The following CSMD3 variants were observed in gnomAD, a reference collection of about 807,000 sequenced individuals.
CSMD3 encodes the protein CUB and sushi domain-containing protein 3.
Under a neutral mutation model 435.2 loss-of-function variants are expected in CSMD3, and 177 were observed. The ratio of observed to expected loss-of-function variants is 0.41; its 90% CI spans 0.36 to 0.46. The LOEUF is 0.46. CSMD3 is among the 20% of genes least tolerant of loss of function. The probability of loss-of-function intolerance (pLI) is 0.34; values close to 1 mark genes in which losing one functional copy is unlikely to be tolerated. For missense variants in CSMD3, 4,265 were observed against 4,504.6 expected, an observed-to-expected ratio of 0.95 and a Z score of 1.52; for synonymous variants, 1,656 against 1,520.5, an observed-to-expected ratio of 1.09 and a Z score of -2.07.
intron 32 of CSMD3, among the ~76,000 whole-genome samples, chr8:112,409,845 T>G (rs1263555071): frequency 1.3e-5 from 2 of 150,584 alleles, no homozygotes; most frequent in African/African-American, 2.4e-5. Flanking sequence ...TTGCTTTGTG[T>G]TTTTTTTTCT....
At chr8:113,346,400 C>A (rs1171929540) in intron 1 of CSMD3, among the ~76,000 whole-genome samples, 1 of 151,958 alleles carries the variant, frequency 6.6e-6, no homozygotes, top group East Asian at 1.9e-4. Context: ...AATGGCAGTT[C>A]AAAAAGCAAT....
chr8:112,300,388 A>C (rs1820804449), intron 53 of CSMD3, among the ~76,000 whole-genome samples: 1 of 151,392 alleles, frequency 6.6e-6, no homozygotes, highest in South Asian at 2.1e-4. Flanking sequence ...AACCAAAATC[A>C]GTTTACAAAC....
intron 5 of CSMD3, among the ~76,000 whole-genome samples, chr8:113,073,161 A>T (rs2089198149): frequency 6.6e-6 from 1 of 151,960 alleles, no homozygotes; most frequent in Admixed American, 6.6e-5. Context: ...ACTCTTTGAG[A>T]TACTATTTGA....
rs140423318 is a variant in CSMD3, at chr8:112,506,841, AC to A, written c.4757-13del. The A allele has an allele frequency of 3.3e-3, 5,298 of 1,606,352 alleles. 146 individuals are homozygous for A. The African/African-American group carries it at 0.062, about 19-fold the overall frequency. On this transcript the variant is annotated splice_polypyrimidine_tract_variant and intron_variant, in intron 28 of 70. Transcript: ENST00000297405. ...GCCTCCACAGGGTGCTTTAATTTAA[AC>A]AAACAAATAAAATCTCTTTAAACAT...
intron 3 of CSMD3, among the ~76,000 whole-genome samples, chr8:113,182,877 G>T (rs2092443346): frequency 6.7e-6 from 1 of 149,970 alleles, no homozygotes; most frequent in Non-Finnish European, 1.5e-5. Flanking sequence ...TGTTGCTGTT[G>T]TTGTTGTTGT....
chr8:112,428,177 C>A (rs1011571361), intron 32 of CSMD3, among the ~76,000 whole-genome samples: 3 of 152,060 alleles, frequency 2.0e-5, no homozygotes, highest in Non-Finnish European at 4.4e-5. Flanking sequence ...TTATTAAATT[C>A]TATTAGTGTT....
At chr8:112,519,794 A>G (rs1265528343) in intron 27 of CSMD3, among the ~76,000 whole-genome samples, 1 of 152,176 alleles carries the variant, frequency 6.6e-6, no homozygotes, top group African/African-American at 2.4e-5. Flanking sequence ...ACAATTACTT[A>G]GGGACAGTTA....
intron 3 of CSMD3, among the ~76,000 whole-genome samples, chr8:113,192,574 A>C (rs1410788550): frequency 6.6e-6 from 1 of 151,246 alleles, no homozygotes; most frequent in East Asian, 2.0e-4. Context: ...TTTTTCTCTT[A>C]TTTCTATTTC....
intron 11 of CSMD3, among the ~76,000 whole-genome samples, chr8:112,836,067 T>C (rs1423310307): frequency 6.6e-6 from 1 of 151,878 alleles, no homozygotes; most frequent in Non-Finnish European, 1.5e-5. Context: ...TTAGCCACAG[T>C]TCTTTAGACA....
intron 5 of CSMD3, among the ~76,000 whole-genome samples, chr8:113,062,599 T>C (rs999056654): frequency 5.3e-5 from 8 of 151,874 alleles, no homozygotes; most frequent in Non-Finnish European, 1.0e-4. Context: ...CTATTACTAC[T>C]GCTTATTTCC....
intron 27 of CSMD3, among the ~76,000 whole-genome samples, chr8:112,527,815 G>T (rs1286868246): frequency 6.6e-6 from 1 of 151,886 alleles, no homozygotes; most frequent in Non-Finnish European, 1.5e-5. Flanking sequence ...AACTTGCATT[G>T]GAATTTAAGT....
intron 3 of CSMD3, among the ~76,000 whole-genome samples, chr8:113,238,533 G>A (rs189958547): frequency 3.3e-4 from 50 of 152,202 alleles, no homozygotes; most frequent in African/African-American, 1.1e-3. Flanking sequence ...AAGCCTCTGT[G>A]GATCAAGTCT....
At chr8:112,763,695 A>T (rs1217559334) in intron 13 of CSMD3, among the ~76,000 whole-genome samples, 3 of 149,218 alleles carry the variant, frequency 2.0e-5, no homozygotes, top group East Asian at 1.9e-4. Flanking sequence ...TGCTATTATA[A>T]TTTTTTTTTA....
At chr8:113,225,853 G>A (rs1464508287) in intron 3 of CSMD3, among the ~76,000 whole-genome samples, 1 of 151,454 alleles carries the variant, frequency 6.6e-6, no homozygotes, top group Non-Finnish European at 1.5e-5. Flanking sequence ...ATACTGAATT[G>A]TAATCCGAAT....
intron 30 of CSMD3, among the ~76,000 whole-genome samples, chr8:112,499,779 GT>G (rs1355167244): frequency 6.6e-6 from 1 of 152,098 alleles, no homozygotes; most frequent in Admixed American, 6.5e-5. Context: ...AGCTTAAGAG[GT>G]TCTTAAATGA....
chr8:112,469,843 A>G (rs1818346115), intron 32 of CSMD3, among the ~76,000 whole-genome samples: 1 of 152,194 alleles, frequency 6.6e-6, no homozygotes, highest in African/African-American at 2.4e-5. Flanking sequence ...CTGTATATGA[A>G]ACATATAGAA....
chr8:113,120,163 T>C (rs1396151786), intron 4 of CSMD3, among the ~76,000 whole-genome samples: 3 of 152,050 alleles, frequency 2.0e-5, no homozygotes, highest in Non-Finnish European at 2.9e-5. Context: ...ATCTACAATC[T>C]GCTTCAAGTA....
At chr8:112,569,649 GACTATCATTA>G (rs1423300795) in intron 24 of CSMD3, among the ~76,000 whole-genome samples, 1 of 152,106 alleles carries the variant, frequency 6.6e-6, no homozygotes, top group Non-Finnish European at 1.5e-5. Flanking sequence ...AATACAGGGT[GACTATCATTA>G]AATAGGGCAG....
chr8:112,954,848 T>A, intron 7 of CSMD3, 87 bp from the exon 8 acceptor site: 1 of 820,002 alleles, frequency 1.2e-6, no homozygotes, highest in Non-Finnish European at 2.0e-6. Context: ...AGCATGGACT[T>A]ATGCAAGATA....
Sources: gnomAD v4.1 joint callset for allele counts (sites outside exome capture counted in the v4.1 genomes callset) on GRCh38, gnomAD v4.1.1 for gene constraint, MANE v1.5 for transcripts, NCBI Gene and HGNC (gene_info 2026-07-23, HGNC 2026-07-21) for gene names.